SCNN1G: variants seen among roughly 807,000 people sequenced by gnomAD.
SCNN1G encodes sodium channel epithelial 1 subunit gamma.
In SCNN1G, 27 loss-of-function variants were observed where a neutral mutation model predicts 64.6. That is an observed-to-expected ratio of 0.42 (90% confidence interval 0.31 to 0.58). The LOEUF (loss-of-function observed/expected upper bound fraction) is 0.58. SCNN1G is among the 20% of genes least tolerant of loss of function. The pLI is 0.18. For missense variants in SCNN1G, 743 were observed against 823.4 expected, an observed-to-expected ratio of 0.90 and a Z score of 1.19; for synonymous variants, 330 against 314.2, an observed-to-expected ratio of 1.05 and a Z score of -0.53.
intron 8 of SCNN1G, among the ~76,000 whole-genome samples, chr16:23,212,454 C>T (rs1305538088): frequency 6.6e-6 from 1 of 152,224 alleles, no homozygotes; most frequent in Admixed American, 6.5e-5. Context: ...AGGAACAGAG[C>T]TGGATCCAAA....
At chr16:23,208,361 C>CA (rs1296093317) in intron 6 of SCNN1G, among the ~76,000 whole-genome samples, 2 of 151,426 alleles carry the variant, frequency 1.3e-5, no homozygotes, top group South Asian at 2.1e-4. Flanking sequence ...AAAAAAAAAG[C>CA]AAAAAAAATT....
At position 23,196,518 on chromosome 16, in the gene SCNN1G, C is replaced by T. The variant is rs1333522009; in HGVS notation, c.914-746C>T. 3 of 152,644 alleles carry T rather than the reference C, an allele frequency of 2.0e-5. No individual in the cohort carries two copies. In the East Asian group the frequency reaches 5.8e-4, roughly 29 times the overall value. The allele number at this position is 152,644 out of a possible 1,614,324, so 9.5% of individuals were successfully genotyped here. On this transcript the variant is annotated intron_variant, in intron 5 of 12. Transcript: ENST00000300061. Reference sequence around the variant, plus strand: ...GGCCTGAGGTCCAATTTTCAAAGGACCTCAGCCCATACATGAATGAGCAGG... The same window carrying T: ...GGCCTGAGGTCCAATTTTCAAAGGATCTCAGCCCATACATGAATGAGCAGG...
intron 6 of SCNN1G, among the ~76,000 whole-genome samples, chr16:23,204,312 T>TAG (rs1567267055): frequency 1.5e-4 from 12 of 79,896 alleles, no homozygotes; most frequent in Non-Finnish European, 2.8e-4. Flanking sequence ...TATATATATA[T>TAG]ATATATATAT....
chr16:23,208,270 C>T (rs1960022477), intron 6 of SCNN1G, among the ~76,000 whole-genome samples: 1 of 152,092 alleles, frequency 6.6e-6, no homozygotes, highest in African/African-American at 2.4e-5. Flanking sequence ...TCCATTGAGC[C>T]CGGGAGGTAG....
At chr16:23,186,633 C>T (rs774437872) in intron 2 of SCNN1G, 45 bp downstream of exon 2, 1 of 1,533,054 alleles carries the variant, frequency 6.5e-7, no homozygotes, top group South Asian at 1.1e-5. Flanking sequence ...GCCAGGCCCC[C>T]CACAGAGGCC....
At position 23,186,536 on chromosome 16, in the gene SCNN1G, T is replaced by C. The variant is rs755184392; in HGVS notation, c.265T>C (p.Phe89Leu). The stretch of plus-strand genomic sequence containing the variant: ...TGTCTCAGTTTCCATCAAAGTCCAC[T>C]TCCGGAAGCTGGATTTTCCTGCAGT... ...YTVSVSIKVH[F>L]RKLDFPAVTI... Residue 89 changes from phenylalanine (F) to leucine (L), a missense_variant, in exon 2 of 13, where the codon TTC (phenylalanine) becomes CTC (leucine). By Grantham distance (22) the Phe-to-Leu change is conservative. Transcript: ENST00000300061. 1 of 1,613,890 alleles carries C rather than the reference T, an allele frequency of 6.2e-7. No individual in the cohort carries two copies. Among genetic ancestry groups the C allele is most frequent in the Non-Finnish European group, 8.5e-7 (1 of 1,180,052 alleles).
intron 6 of SCNN1G, among the ~76,000 whole-genome samples, chr16:23,201,003 G>C (rs1030358246): frequency 2.0e-5 from 3 of 152,234 alleles, no homozygotes; most frequent in African/African-American, 7.2e-5. Flanking sequence ...GCATGGGAGG[G>C]AAGTAATGTG....
intron 5 of SCNN1G, chr16:23,195,956 C>G (rs1313582414): frequency 2.0e-5 from 3 of 152,226 alleles, no homozygotes; most frequent in Non-Finnish European, 4.4e-5. Context: ...TTGCCAGGCC[C>G]TCTTCTACGT....
intron 11 of SCNN1G, 130 bp downstream of exon 11, chr16:23,213,293 C>G (rs1025553884): frequency 1.0e-5 from 7 of 701,180 alleles, no homozygotes; most frequent in Non-Finnish European, 1.7e-5. Flanking sequence ...TACTCTGTCA[C>G]CCAGGCTGGA....
chr16:23,211,184 A>G (rs991677480), intron 7 of SCNN1G, among the ~76,000 whole-genome samples: 1 of 152,256 alleles, frequency 6.6e-6, no homozygotes, highest in Non-Finnish European at 1.5e-5. Context: ...AAAGCAAAGC[A>G]TCTGAGAGGT....
chr16:23,198,760 A>G (rs542520650), intron 6 of SCNN1G, among the ~76,000 whole-genome samples: 1 of 151,574 alleles, frequency 6.6e-6, no homozygotes, highest in South Asian at 2.1e-4. Flanking sequence ...AACAAACAAA[A>G]ACTGATTTAA....
At chr16:23,206,844 T>C (rs1959999331) in intron 6 of SCNN1G, among the ~76,000 whole-genome samples, 1 of 152,040 alleles carries the variant, frequency 6.6e-6, no homozygotes, top group Non-Finnish European at 1.5e-5. Context: ...TAGATACACA[T>C]ACAAACTCAC....
intron 6 of SCNN1G, among the ~76,000 whole-genome samples, chr16:23,198,479 C>T (rs1215850487): frequency 6.6e-6 from 1 of 152,148 alleles, no homozygotes; most frequent in Non-Finnish European, 1.5e-5. Context: ...GCCTATAATC[C>T]CAGCACTTTG....
chr16:23,200,115 T>C (rs1266745265), intron 6 of SCNN1G, among the ~76,000 whole-genome samples: 1 of 152,198 alleles, frequency 6.6e-6, no homozygotes, highest in Admixed American at 6.5e-5. Flanking sequence ...TTCACAAACA[T>C]ATCCTCCAGA....
rs760646755 is a variant in SCNN1G at position 23,194,263 on chromosome 16, G to C, written c.902G>C (p.Gly301Ala). The C allele has an allele frequency of 1.9e-6, 3 of 1,608,396 alleles. No individual in the cohort carries two copies. The South Asian group carries it at 3.3e-5, about 18-fold the overall frequency. The change falls in exon 5 of 13, where the codon GGC becomes GCC. Residue 301 changes from glycine (G) to alanine (A), a missense_variant. Gly to Ala is a moderately conservative substitution (Grantham distance 60). Transcript: ENST00000300061. ...NETILSTSMG[G>A]SEYGLQVILY... ...ACCATTCTCAGCACCTCCATGGGGG[G>C]CAGCGAATATGGTAAGGAAACCTGT...
At chr16:23,209,337 C>A (rs151292741) in intron 6 of SCNN1G, among the ~76,000 whole-genome samples, 5 of 152,284 alleles carry the variant, frequency 3.3e-5, no homozygotes, top group Non-Finnish European at 5.9e-5. Flanking sequence ...TGCAGTTCCA[C>A]GCTAAGCCAA....
chr16:23,186,462 T>G lies in SCNN1G; in HGVS notation c.191T>G (p.Val64Gly). 6.2e-7 allele frequency: 1 copy of G among 1,614,198 alleles called. No individual in the cohort carries two copies. Among genetic ancestry groups the G allele is most frequent in the Non-Finnish European group, 8.5e-7 (1 of 1,180,036 alleles). Residue 64 changes from valine to glycine, a missense_variant, in exon 2 of 13, where the codon GTG becomes GGG. By Grantham distance (109) the Val-to-Gly change is moderately radical. Coordinates refer to ENST00000300061, the MANE Select transcript of SCNN1G (RefSeq NM_001039.4). ...TGGATCGGGTTCACACTGACTGCCG[T>G]GGCCCTCATCCTCTGGCAGTGCGCC... ...LLWIGFTLTA[V>G]ALILWQCALL...
At position 23,215,402 on chromosome 16, in the gene SCNN1G, ATACCT is replaced by A; in HGVS notation, c.1885_1889del (p.Thr629AlafsTer18). On this transcript the variant is annotated frameshift_variant, in exon 13 of 13. Transcript: ENST00000300061. LOFTEE classifies it high-confidence loss of function. ...CCCGGCACACCGCCCCCCAAATACA[ATACCT>A]TGCGCTTGGAGAGGGCCTTTTCCAA... The A allele has an allele frequency of 6.2e-7, 1 of 1,613,912 alleles. No homozygotes were observed. Among genetic ancestry groups the A allele is most frequent in the Non-Finnish European group, 8.5e-7 (1 of 1,179,984 alleles).
Position 23,215,469 on chromosome 16 carries a change from A to G in SCNN1G, c.1950A>G (p.Ter650TrpextTer75). 6.2e-7 allele frequency: 1 copy of G among 1,607,734 alleles called. No individual in the cohort carries two copies. Among genetic ancestry groups the G allele is most frequent in the Non-Finnish European group, 8.5e-7 (1 of 1,179,980 alleles). ...LTDTQMLDEL[*>W] ...ATACCCAGATGCTGGATGAGCTCTG[A>G]GGCAGGGTTGAGAAGACAGATCTAG... Residue 650 changes from the stop codon to tryptophan (W), a stop_lost, in exon 13 of 13, where the codon TGA becomes TGG. Transcript: ENST00000300061.
Sources: allele counts gnomAD v4.1 joint callset (sites outside exome capture counted in the v4.1 genomes callset), GRCh38; gene constraint gnomAD v4.1.1; transcripts MANE v1.5; gene names NCBI Gene and HGNC (gene_info 2026-07-23, HGNC 2026-07-21).